The following PPP1R9A variants were observed in gnomAD, a reference collection of about 807,000 sequenced individuals.
The protein encoded by PPP1R9A is protein phosphatase 1 regulatory subunit 9A.
Under a neutral mutation model 141.9 loss-of-function variants are expected in PPP1R9A, and 59 were observed. That is an observed-to-expected ratio of 0.42 (90% CI 0.34 to 0.52). The LOEUF (loss-of-function observed/expected upper bound fraction) is 0.52. PPP1R9A is among the 20% of genes least tolerant of loss of function. PPP1R9A has a pLI of 0.10. For synonymous variants in PPP1R9A, 500 were observed against 569.7 expected (o/e 0.88, Z 1.74); for missense variants, 1,444 against 1,611.9 (o/e 0.90, Z 1.78).
chr7:95,240,114 A>C (rs955185889), intron 8 of PPP1R9A, among the ~76,000 whole-genome samples: 1 of 152,026 alleles, frequency 6.6e-6, no homozygotes. Flanking sequence ...TGGAGGATAT[A>C]GTTTCCATGA....
chr7:95,168,588 C>T (rs906156910), intron 5 of PPP1R9A, among the ~76,000 whole-genome samples: 2 of 150,706 alleles, frequency 1.3e-5, no homozygotes, highest in Admixed American at 6.6e-5. Flanking sequence ...AAGGAAACAA[C>T]AGAGTGAAGA....
At chr7:95,287,119 A>G (rs1444650991) in intron 18 of PPP1R9A, 14 of 1,613,116 alleles carry the variant, frequency 8.7e-6, no homozygotes, top group East Asian at 4.5e-5. Flanking sequence ...GAGCCTGGAT[A>G]TGATAGATGA....
In PPP1R9A at chr7:95,201,350, C is replaced by T. The variant is rs572241973; in HGVS notation, c.1891-2315C>T. ...TTCTCCTTTGTATCTGTCTCTCATC[C>T]TCTGTGACTTGGGTTTTTTCCCTTT... On this transcript the variant is annotated intron_variant, in intron 6 of 19. Coordinates refer to ENST00000433360, the MANE Select transcript of PPP1R9A (RefSeq NM_001166160.2). Among the ~76,000 whole-genome samples, 10 of 152,232 alleles carry T rather than the reference C, an allele frequency of 6.6e-5. No individual in the cohort carries two copies. In the Middle Eastern group the frequency reaches 0.01, roughly 155 times the overall value.
At chr7:95,024,877 G>A (rs1204289770) in intron 2 of PPP1R9A, among the ~76,000 whole-genome samples, 2 of 152,092 alleles carry the variant, frequency 1.3e-5, no homozygotes. Flanking sequence ...AGTGTCAATA[G>A]GCTTTGTAAT....
intron 8 of PPP1R9A, among the ~76,000 whole-genome samples, chr7:95,237,385 G>T (rs189088055): frequency 2.0e-5 from 3 of 151,732 alleles, no homozygotes; most frequent in African/African-American, 7.2e-5. Flanking sequence ...TAGTAGAGAC[G>T]TGGTTTCGCC....
At position 95,243,423 on chromosome 7, in the gene PPP1R9A, G is replaced by A. The variant is rs574399980; in HGVS notation, c.2113-4050G>A. Among the ~76,000 whole-genome samples, 6 of 152,204 alleles carry A rather than the reference G, an allele frequency of 3.9e-5. No homozygotes were observed. The South Asian group carries it at 8.3e-4, about 21-fold the overall frequency. ...CCAATTGATTATTAAGGGAGGTGGA[G>A]GTCTGCTTTCTAAGCTTCATTAATA... On this transcript the variant is annotated intron_variant, in intron 8 of 19. Coordinates refer to ENST00000433360, the MANE Select transcript of PPP1R9A (RefSeq NM_001166160.2).
At chr7:95,208,060 A>G (rs1791222045) in intron 7 of PPP1R9A, among the ~76,000 whole-genome samples, 1 of 152,202 alleles carries the variant, frequency 6.6e-6, no homozygotes, top group Non-Finnish European at 1.5e-5. Flanking sequence ...TTGATAAGCT[A>G]TTGCTAAAAT....
chr7:95,270,377 G>A (rs1255345966), intron 14 of PPP1R9A, among the ~76,000 whole-genome samples: 5 of 152,110 alleles, frequency 3.3e-5, no homozygotes, highest in Non-Finnish European at 7.4e-5. Context: ...ATGTTTGATT[G>A]CAGGCTTGAG....
chr7:95,199,129 G>C (rs1788965082), intron 6 of PPP1R9A, among the ~76,000 whole-genome samples: 1 of 152,154 alleles, frequency 6.6e-6, no homozygotes, highest in Non-Finnish European at 1.5e-5. Context: ...TAACCCCCAA[G>C]TGAAAACAGC....
intron 8 of PPP1R9A, 38 bp from the exon 9 acceptor site, chr7:95,247,433 CTT>C: frequency 6.6e-7 from 1 of 1,513,792 alleles, no homozygotes. Context: ...TATAGATACA[CTT>C]TCTTAGTTCA....
intron 2 of PPP1R9A, among the ~76,000 whole-genome samples, chr7:95,101,283 T>G (rs1818763502): frequency 6.6e-6 from 1 of 152,226 alleles, no homozygotes; most frequent in Non-Finnish European, 1.5e-5. Flanking sequence ...ATAGTAATAG[T>G]GAGCAAGTGA....
intron 2 of PPP1R9A, among the ~76,000 whole-genome samples, chr7:94,984,473 G>T (rs1800543501): frequency 6.6e-6 from 1 of 151,964 alleles, no homozygotes; most frequent in Admixed American, 6.6e-5. Flanking sequence ...GAGTTTTTTT[G>T]GTTGGTAGGC....
chr7:94,965,004 A>T (rs1337674331), intron 2 of PPP1R9A, among the ~76,000 whole-genome samples: 4 of 152,152 alleles, frequency 2.6e-5, no homozygotes, highest in African/African-American at 9.7e-5. Context: ...CTGACTTTTT[A>T]ATAATTGCCA....
chr7:95,208,393 T>C (rs1791292096), intron 7 of PPP1R9A, among the ~76,000 whole-genome samples: 1 of 152,178 alleles, frequency 6.6e-6, no homozygotes, highest in African/African-American at 2.4e-5. Context: ...ATTTGGAAGA[T>C]AGCATAGAAG....
intron 2 of PPP1R9A, among the ~76,000 whole-genome samples, chr7:94,966,177 T>G (rs539010306): frequency 2.0e-5 from 3 of 152,350 alleles, no homozygotes; most frequent in African/African-American, 7.2e-5. Flanking sequence ...TTTTTTATCC[T>G]GAGATTTTGC....
At chr7:95,035,333 G>T (rs1808289162) in intron 2 of PPP1R9A, among the ~76,000 whole-genome samples, 1 of 152,032 alleles carries the variant, frequency 6.6e-6, no homozygotes, top group African/African-American at 2.4e-5. Flanking sequence ...TGTTAAAATA[G>T]AAAAATGTTT....
intron 3 of PPP1R9A, among the ~76,000 whole-genome samples, chr7:95,116,189 C>G (rs997614651): frequency 6.6e-6 from 1 of 151,980 alleles, no homozygotes; most frequent in African/African-American, 2.4e-5. Context: ...AATTCTAATT[C>G]TAAATTGAGT....
chr7:94,996,799 G>GTTTTTT (rs34164253), intron 2 of PPP1R9A, among the ~76,000 whole-genome samples: 5 of 111,626 alleles, frequency 4.5e-5, no homozygotes, highest in African/African-American at 1.1e-4. Context: ...GATACTCTGT[G>GTTTTTT]TTTTTTTTTT....
intron 5 of PPP1R9A, among the ~76,000 whole-genome samples, chr7:95,195,879 C>G (rs563006657): frequency 1.3e-5 from 2 of 152,056 alleles, no homozygotes; most frequent in African/African-American, 4.8e-5. Flanking sequence ...AATGAGATGT[C>G]ATCTCTACAA....
Sources: allele counts gnomAD v4.1 joint callset (sites outside exome capture counted in the v4.1 genomes callset), GRCh38; gene constraint gnomAD v4.1.1; transcripts MANE v1.5; gene names NCBI Gene and HGNC (gene_info 2026-07-23, HGNC 2026-07-21).